DLGAP1: variants seen among roughly 807,000 people sequenced by gnomAD.
DLGAP1 encodes DLG associated protein 1.
A neutral mutation model predicts 90.8 loss-of-function variants in DLGAP1; 11 were observed. That is an observed-to-expected ratio of 0.12 (90% CI 0.08 to 0.20). The LOEUF (loss-of-function observed/expected upper bound fraction) is 0.20, where lower values mean the gene tolerates loss of function less well. Among genes scored for constraint, DLGAP1 ranks in the 10% least tolerant of loss-of-function variants. The pLI is 1.00. For synonymous variants in DLGAP1, 558 were observed against 540.7 expected (o/e 1.03, Z -0.44); for missense variants, 1,050 against 1,333.8 (o/e 0.79, Z 3.31).
At chr18:3,587,217 G>T (rs1022598517) in intron 7 of DLGAP1, among the ~76,000 whole-genome samples, 1 of 152,122 alleles carries the variant, frequency 6.6e-6, no homozygotes, top group Non-Finnish European at 1.5e-5. Context: ...ACCATGCCTG[G>T]CTAATTTTTG....
intron 3 of DLGAP1, among the ~76,000 whole-genome samples, chr18:3,933,073 G>A (rs1018506304): frequency 6.6e-6 from 1 of 152,222 alleles, no homozygotes; most frequent in African/African-American, 2.4e-5. Flanking sequence ...GGGAGTTGCA[G>A]TTGGTTCAAG....
chr18:4,175,183 GCTTT>G (rs1568434422), intron 1 of DLGAP1, among the ~76,000 whole-genome samples: 1 of 152,166 alleles, frequency 6.6e-6, no homozygotes, highest in African/African-American at 2.4e-5. Context: ...GTGATGATGA[GCTTT>G]TTTTCATACA....
chr18:3,881,695 C>T (rs917384998), intron 3 of DLGAP1, among the ~76,000 whole-genome samples: 2 of 152,140 alleles, frequency 1.3e-5, no homozygotes, highest in Non-Finnish European at 1.5e-5. Context: ...AGGTGGATCA[C>T]GAGGTCAGGA....
chr18:3,965,188 C>A (rs933907330), intron 3 of DLGAP1, among the ~76,000 whole-genome samples: 10 of 152,140 alleles, frequency 6.6e-5, no homozygotes, highest in Non-Finnish European at 1.3e-4. Flanking sequence ...CACTGAACAA[C>A]ACCACAAAGC....
chr18:3,638,952 C>A (rs914216919), intron 7 of DLGAP1, among the ~76,000 whole-genome samples: 4 of 152,210 alleles, frequency 2.6e-5, no homozygotes, highest in Non-Finnish European at 5.9e-5. Context: ...CATTTCCTTT[C>A]ATCTACTTTA....
chr18:3,878,289 G>A (rs2071054848), intron 4 of DLGAP1: 1 of 152,066 alleles, frequency 6.6e-6, no homozygotes, highest in African/African-American at 2.4e-5. Context: ...CTACAGCAAG[G>A]AGGTAGGGAA....
chr18:3,709,899 T>C (rs146268039), intron 7 of DLGAP1, among the ~76,000 whole-genome samples: 1,839 of 152,328 alleles, frequency 0.012, 12 homozygotes, highest in South Asian at 0.026. Flanking sequence ...TATGATCTCC[T>C]GCCTCTGAGA....
chr18:4,083,260 ATTTTG>A (rs1460222272), intron 2 of DLGAP1, among the ~76,000 whole-genome samples: 1 of 152,096 alleles, frequency 6.6e-6, no homozygotes, highest in Non-Finnish European at 1.5e-5. Flanking sequence ...AATGACTTTA[ATTTTG>A]TTTTGTTTTG....
chr18:4,186,749 G>T (rs1342552722), intron 1 of DLGAP1, among the ~76,000 whole-genome samples: 1 of 152,056 alleles, frequency 6.6e-6, no homozygotes, highest in Non-Finnish European at 1.5e-5. Context: ...GATTGCCTTG[G>T]CTACTCAGGG....
Position 4,156,881 on chromosome 18 carries a change from T to C in DLGAP1, c.-266-5594A>G, listed in dbSNP as rs1404849696. Among the ~76,000 whole-genome samples the C allele has an allele frequency of 3.3e-5, 5 of 152,202 alleles. No individual in the cohort carries two copies. The South Asian group carries it at 1.0e-3, about 32-fold the overall frequency. The stretch of plus-strand genomic sequence containing the variant: ...AATATGAGAAAGATGATCATGGCCA[T>C]AGGGCCGAGTGCACAGCTGAGGAGG... On this transcript the variant is annotated intron_variant, in intron 1 of 12. Coordinates refer to ENST00000315677, the MANE Select transcript of DLGAP1 (RefSeq NM_004746.4).
At chr18:4,012,643 T>C (rs962742245) in intron 2 of DLGAP1, among the ~76,000 whole-genome samples, 13 of 152,196 alleles carry the variant, frequency 8.5e-5, no homozygotes, top group African/African-American at 3.1e-4. Flanking sequence ...AACTGGTCTA[T>C]GTATTTGACA....
intron 2 of DLGAP1, among the ~76,000 whole-genome samples, chr18:4,150,425 C>T (rs2076656186): frequency 6.6e-6 from 1 of 152,042 alleles, no homozygotes; most frequent in East Asian, 1.9e-4. Flanking sequence ...GAGTCTCTCT[C>T]TGTCACCCTG....
intron 4 of DLGAP1, among the ~76,000 whole-genome samples, chr18:3,859,481 C>A (rs188886594): frequency 3.9e-5 from 6 of 152,256 alleles, no homozygotes; most frequent in Admixed American, 2.6e-4. Context: ...AGGGACTTCA[C>A]AGATGTGAGT....
At chr18:4,052,831 G>A (rs2075155513) in intron 2 of DLGAP1, among the ~76,000 whole-genome samples, 1 of 152,100 alleles carries the variant, frequency 6.6e-6, no homozygotes, top group South Asian at 2.1e-4. Context: ...AAAATTCAAA[G>A]TTTCACTTAT....
At chr18:4,247,579 C>G (rs1428043281) in intron 1 of DLGAP1, among the ~76,000 whole-genome samples, 1 of 152,028 alleles carries the variant, frequency 6.6e-6, no homozygotes, top group Non-Finnish European at 1.5e-5. Context: ...AGTTTGAGAC[C>G]AGTCTGCCCA....
In DLGAP1 at chr18:3,499,824, G is replaced by A. The variant is rs779807183; in HGVS notation, c.2725-430C>T. ...TAAGGATGCAAGTCACCGGGTGCAA[G>A]CTTGGTTCAGAGCTTAAAAACATCT... On this transcript the variant is annotated intron_variant, in intron 12 of 12. Coordinates refer to ENST00000315677, the MANE Select transcript of DLGAP1 (RefSeq NM_004746.4). The surrounding 1 kb of genome is among the most constrained non-coding windows in gnomAD (Gnocchi z 6.4). Among the ~76,000 whole-genome samples, 3 of 152,146 alleles carry A rather than the reference G, an allele frequency of 2.0e-5. No individual in the cohort carries two copies. Among genetic ancestry groups the A allele is most frequent in the African/African-American group, 7.2e-5 (3 of 41,436 alleles).
intron 1 of DLGAP1, among the ~76,000 whole-genome samples, chr18:4,264,175 C>T (rs1470425831): frequency 6.6e-6 from 1 of 152,172 alleles, no homozygotes; most frequent in East Asian, 1.9e-4. Flanking sequence ...CTTGGAGCCA[C>T]AGAAATCCTT....
At chr18:3,531,249 CAACAT>C in intron 10 of DLGAP1, among the ~76,000 whole-genome samples, 1 of 151,930 alleles carries the variant, frequency 6.6e-6, no homozygotes, top group East Asian at 1.9e-4. Flanking sequence ...CCAGACTGGC[CAACAT>C]GGTGAAACCC....
chr18:3,732,466 T>C (rs759428345), intron 6 of DLGAP1, among the ~76,000 whole-genome samples: 2 of 148,234 alleles, frequency 1.3e-5, no homozygotes, highest in South Asian at 2.1e-4. Flanking sequence ...TTAGTTCATA[T>C]AGAATGGTAG....
Sources: gnomAD v4.1 joint callset for allele counts (sites outside exome capture counted in the v4.1 genomes callset) on GRCh38, gnomAD v4.1.1 for gene constraint, Gnocchi (gnomAD v3.1) non-coding constraint, MANE v1.5 for transcripts, NCBI Gene and HGNC (gene_info 2026-07-23, HGNC 2026-07-21) for gene names.